Variants in DPF3 observed in about 807,000 individuals in gnomAD.
DPF3 encodes the protein double PHD fingers 3, also known as zinc finger protein DPF3.
A neutral mutation model predicts 56.8 loss-of-function variants in DPF3; 18 were observed. That is an observed-to-expected ratio of 0.32 (90% CI 0.22 to 0.47). The LOEUF (loss-of-function observed/expected upper bound fraction) is 0.47. Among genes scored for constraint, DPF3 ranks in the 20% least tolerant of loss-of-function variants. The pLI is 1.00. For missense variants in DPF3, 403 were observed against 488.8 expected, an observed-to-expected ratio of 0.82 and a Z score of 1.65; for synonymous variants, 188 against 180.2, an observed-to-expected ratio of 1.04 and a Z score of -0.35.
intron 1 of DPF3, among the ~76,000 whole-genome samples, chr14:72,795,280 A>C (rs1271946429): frequency 1.1e-4 from 2 of 17,590 alleles, no homozygotes; most frequent in Non-Finnish European, 1.8e-4. Flanking sequence ...TTTTTGACAA[A>C]AAAAAAAAAA....
intron 1 of DPF3, among the ~76,000 whole-genome samples, chr14:72,869,565 G>A (rs947166951): frequency 7.9e-5 from 12 of 152,104 alleles, no homozygotes; most frequent in Admixed American, 2.6e-4. Flanking sequence ...ACTGTCACAC[G>A]GATGGCGTCA....
chr14:72,730,189 G>T (rs931339083), intron 4 of DPF3, among the ~76,000 whole-genome samples: 2 of 152,022 alleles, frequency 1.3e-5, no homozygotes, highest in African/African-American at 4.8e-5. Flanking sequence ...GGGTAGCAGT[G>T]GTGGGTGCGG....
intron 1 of DPF3, among the ~76,000 whole-genome samples, chr14:72,841,346 G>A (rs1247624490): frequency 1.3e-5 from 2 of 152,146 alleles, no homozygotes; most frequent in Non-Finnish European, 2.9e-5. Context: ...GGACAGGGGA[G>A]CTTTGGAGTG....
At chr14:72,879,436 G>T (rs921701555) in intron 1 of DPF3, among the ~76,000 whole-genome samples, 44 of 151,412 alleles carry the variant, frequency 2.9e-4, no homozygotes, top group Non-Finnish European at 2.9e-4. Context: ...TGCCTTCCAC[G>T]CCCTTACTGC....
chr14:72,763,289 A>T (rs1023944740), intron 2 of DPF3, among the ~76,000 whole-genome samples: 15 of 152,098 alleles, frequency 9.9e-5, no homozygotes, highest in Non-Finnish European at 1.5e-4. Context: ...GACCTAGAAT[A>T]ATCAAAATAA....
At chr14:72,723,852 T>C (rs751001396) in intron 4 of DPF3, 124 bp from the exon 5 acceptor site, 38 of 963,954 alleles carry the variant, frequency 3.9e-5, no homozygotes, top group Non-Finnish European at 5.3e-5. Flanking sequence ...ACGCTGCCTT[T>C]GCTTGGGCAG....
intron 8 of DPF3, among the ~76,000 whole-genome samples, chr14:72,665,339 A>C (rs1214046591): frequency 6.6e-6 from 1 of 152,216 alleles, no homozygotes; most frequent in Non-Finnish European, 1.5e-5. Flanking sequence ...GTTATTACTC[A>C]GTCCCTAGTT....
chr14:72,827,044 A>T (rs1408032033), intron 1 of DPF3, among the ~76,000 whole-genome samples: 2 of 470 alleles, frequency 4.3e-3, no homozygotes, highest in Non-Finnish European at 7.8e-3. Flanking sequence ...CTCCATCTCA[A>T]AAAAAAAAAA....
rs117788977 is a variant in DPF3 at position 72,836,285 on chromosome 14, T to A, written c.32+57772A>T. On this transcript the variant is annotated intron_variant, in intron 1 of 10. Coordinates refer to ENST00000556509, the MANE Select transcript of DPF3 (RefSeq NM_001280542.3). ...TCCCTCACTCTCCCATTTTGCTCCCTCTCTCCTGCCAAACTCCCAGGGCAA... is the reference window on the plus strand; with the variant it reads ...TCCCTCACTCTCCCATTTTGCTCCCACTCTCCTGCCAAACTCCCAGGGCAA... 7.3e-5 allele frequency: 72 copies of A among 985,586 alleles called. No individual in the cohort carries two copies. In the East Asian group the frequency reaches 8.1e-3, roughly 111 times the overall value. The allele number at this position is 985,586 out of a possible 1,614,324, so 61.1% of individuals were successfully genotyped here. A position where few individuals can be genotyped will look rare whatever the true frequency, so the allele number is the denominator to read the frequency against.
rs1402487051 is a variant in DPF3, at chr14:72,615,170, A to G, written c.*4127T>C. ...CTGCTTCTGTCCCAGCACTTCCACG[A>G]CAGGCTAAAAACCAGCCTGGGGGGC... On this transcript the variant is annotated 3_prime_UTR_variant, in exon 11 of 11. Coordinates refer to ENST00000556509, the MANE Select transcript of DPF3 (RefSeq NM_001280542.3). Among the ~76,000 whole-genome samples, 2 of 152,106 alleles carry G rather than the reference A, an allele frequency of 1.3e-5. No homozygotes were observed. The highest frequency in any genetic ancestry group is 4.8e-5 in the African/African-American group (2 of 41,432).
intron 8 of DPF3, chr14:72,671,485 G>A: frequency 8.8e-7 from 1 of 1,134,554 alleles, no homozygotes; most frequent in Non-Finnish European, 1.3e-6. Flanking sequence ...GCATCACCTG[G>A]TGACGGGGAT....
At chr14:72,645,888 TG>T (rs11313760) in intron 8 of DPF3, among the ~76,000 whole-genome samples, 32,607 of 151,622 alleles carry the variant, frequency 0.22, 3,702 homozygotes, top group African/African-American at 0.28. Flanking sequence ...TGGCCAAACC[TG>T]TCAAACAGGT....
intron 6 of DPF3, among the ~76,000 whole-genome samples, chr14:72,701,948 G>A (rs555828088): frequency 1.3e-4 from 20 of 152,268 alleles, no homozygotes; most frequent in Admixed American, 1.0e-3. Context: ...GTCATCTGCC[G>A]ATGCCTCCAA....
At position 72,716,919 on chromosome 14, in the gene DPF3, T is replaced by C. The variant is rs185314309; in HGVS notation, c.526-2418A>G. On this transcript the variant is annotated intron_variant, in intron 5 of 10. Transcript: ENST00000556509. The stretch of plus-strand genomic sequence containing the variant: ...CCACTAAGGGGGATCTACCTCCACA[T>C]TGCCCCCCTAGTCCACCCTAACGGG... Among the ~76,000 whole-genome samples the C allele has an allele frequency of 2.6e-3, 398 of 152,098 alleles. 2 individuals are homozygous for C. Among genetic ancestry groups the C allele is most frequent in the Non-Finnish European group, 2.4e-3 (162 of 67,978 alleles).
chr14:72,649,625 G>T (rs1448690248), intron 8 of DPF3, among the ~76,000 whole-genome samples: 4 of 129,058 alleles, frequency 3.1e-5, no homozygotes, highest in Admixed American at 9.0e-5. Flanking sequence ...CTCTTTAAAA[G>T]ATGCAGAAAC....
At chr14:72,746,384 G>A (rs1398149593) in intron 3 of DPF3, among the ~76,000 whole-genome samples, 2 of 152,254 alleles carry the variant, frequency 1.3e-5, no homozygotes, top group African/African-American at 4.8e-5. Context: ...TGGCATGGTG[G>A]TACATTCTGG....
At chr14:72,784,009 T>A (rs1892103748) in intron 1 of DPF3, among the ~76,000 whole-genome samples, 1 of 152,178 alleles carries the variant, frequency 6.6e-6, no homozygotes, top group African/African-American at 2.4e-5. Flanking sequence ...CTGACCTCGC[T>A]TGGGGGCCTC....
intron 1 of DPF3, among the ~76,000 whole-genome samples, chr14:72,892,958 AGGAAGGAAGGAAGGAAG>A (rs1886816496): frequency 3.0e-5 from 1 of 33,270 alleles, no homozygotes; most frequent in African/African-American, 2.9e-4. Flanking sequence ...GAAGGAAGGA[AGGAAGGAAGGAAGGAAG>A]GAAGGAAGGA....
intron 1 of DPF3, among the ~76,000 whole-genome samples, chr14:72,827,042 C>A (rs1247829123): frequency 2.9e-5 from 4 of 137,856 alleles, no homozygotes; most frequent in African/African-American, 8.0e-5. Flanking sequence ...AACTCCATCT[C>A]AAAAAAAAAA....
Sources: allele counts gnomAD v4.1 joint callset (sites outside exome capture counted in the v4.1 genomes callset), GRCh38; gene constraint gnomAD v4.1.1; transcripts MANE v1.5; gene names NCBI Gene and HGNC (gene_info 2026-07-23, HGNC 2026-07-21).